Variants in ZNF25 observed in about 807,000 individuals in gnomAD.
ZNF25 encodes the protein zinc finger protein 25.
In ZNF25, 21 loss-of-function variants were observed where a neutral mutation model predicts 30.9. The ratio of observed to expected loss-of-function variants is 0.68; its 90% CI spans 0.48 to 0.98. The LOEUF is 0.98. Ranked by LOEUF, ZNF25 falls within the 50% of genes least tolerant of loss-of-function variation. The probability of loss-of-function intolerance (pLI) is 0.00; values close to 1 mark genes in which losing one functional copy is unlikely to be tolerated. For missense variants in ZNF25, 501 were observed against 529.9 expected, an observed-to-expected ratio of 0.95 and a Z score of 0.54; for synonymous variants, 169 against 181.3, an observed-to-expected ratio of 0.93 and a Z score of 0.55.
chr10:37,976,353 C>T (rs566463885), intron 1 of ZNF25, among the ~76,000 whole-genome samples, 153 bp downstream of exon 1: 127 of 152,318 alleles, frequency 8.3e-4, no homozygotes, highest in Non-Finnish European at 1.5e-3. Context: ...AACGCCATTC[C>T]GGGCAGGGGC....
At chr10:37,958,874 C>G (rs1299353613) in intron 2 of ZNF25, among the ~76,000 whole-genome samples, 3 of 152,104 alleles carry the variant, frequency 2.0e-5, no homozygotes, top group Non-Finnish European at 4.4e-5. Flanking sequence ...ACGGCAAATC[C>G]CCATCTCTAC....
At chr10:37,973,856 C>A (rs2063642846) in intron 1 of ZNF25, among the ~76,000 whole-genome samples, 1 of 151,980 alleles carries the variant, frequency 6.6e-6, no homozygotes, top group South Asian at 2.1e-4. Flanking sequence ...AAGGTGGAGG[C>A]ATTGTACTAC....
rs1416670224 is a variant in ZNF25 at position 37,952,746 on chromosome 10, GT to G, written c.751del (p.Thr251HisfsTer131). 2 of 1,613,026 alleles carry G rather than the reference GT, an allele frequency of 1.2e-6. No individual in the cohort carries two copies. The highest frequency in any genetic ancestry group is 1.7e-6 in the Non-Finnish European group (2 of 1,179,808). ...CTCATAGGGTTTCTCCCCTGTGTGT[GT>G]TTTCTGATGTACCATGAGGTATGCC... ...VKAYLMVHQKTHTGEKPYECK... is the reference protein window; with the variant it reads ...VKAYLMVHQKXHTGEKPYECK... On this transcript the variant is annotated frameshift_variant, in exon 6 of 6. Coordinates refer to ENST00000302609, the MANE Select transcript of ZNF25 (RefSeq NM_145011.4). LOFTEE classifies it high-confidence loss of function.
rs2062241108 is a variant in ZNF25 at position 37,952,761 on chromosome 10, A to AT, written c.736dup (p.Met246AsnfsTer14). ...CCCTGTGTGTGTTTTCTGATGTACCATGAGGTATGCCTTCACATAGAAGAA... is the reference window on the plus strand; with the variant it reads ...CCCTGTGTGTGTTTTCTGATGTACCATTGAGGTATGCCTTCACATAGAAGAA... On this transcript the variant is annotated frameshift_variant, in exon 6 of 6. Transcript: ENST00000302609. LOFTEE classifies it high-confidence loss of function. 6.2e-7 allele frequency: 1 copy of AT among 1,610,094 alleles called. No individual in the cohort carries two copies. Among genetic ancestry groups the AT allele is most frequent in the Admixed American group, 1.7e-5 (1 of 59,674 alleles).
rs1362202442 is a variant in ZNF25, at chr10:37,976,610, G to C, written c.-190C>G. On this transcript the variant is annotated 5_prime_UTR_variant, in exon 1 of 6. Coordinates refer to ENST00000302609, the MANE Select transcript of ZNF25 (RefSeq NM_145011.4). ...ACCGGAGTCCTCTCCCCACCCTAGG[G>C]CGTAAGACCAAAAAAACGCCAATGC... The C allele has an allele frequency of 6.6e-6, 1 of 152,478 alleles. No individual in the cohort carries two copies. Among genetic ancestry groups the C allele is most frequent in the Non-Finnish European group, 1.5e-5 (1 of 68,248 alleles). The allele number at this position is 152,478 out of a possible 1,614,324, so 9.4% of individuals were successfully genotyped here. A position where few individuals can be genotyped will look rare whatever the true frequency, so the allele number is the denominator to read the frequency against.
chr10:37,954,754 C>G (rs958305817), intron 4 of ZNF25, among the ~76,000 whole-genome samples: 1 of 152,144 alleles, frequency 6.6e-6, no homozygotes, highest in African/African-American at 2.4e-5. Context: ...GAAAGATTAT[C>G]AGCAGATGCT....
At chr10:37,965,564 G>A (rs1471964201) in intron 2 of ZNF25, among the ~76,000 whole-genome samples, 1 of 152,080 alleles carries the variant, frequency 6.6e-6, no homozygotes, top group Non-Finnish European at 1.5e-5. Flanking sequence ...TAATGCAGAA[G>A]AAATTAAGGC....
At position 37,957,529 on chromosome 10, in the gene ZNF25, C is replaced by G. The variant is rs752816834; in HGVS notation, c.33G>C (p.Lys11Asn). The change falls in exon 3 of 6, where the codon AAG becomes AAC. Residue 11 changes from lysine (K) to asparagine (N), a missense_variant. Lys to Asn is a moderately conservative substitution (Grantham distance 94). Coordinates refer to ENST00000302609, the MANE Select transcript of ZNF25 (RefSeq NM_145011.4). MNKFQGPVTL[K>N]DVIVEFTKEE... is the part of the protein sequence containing the mutation. The stretch of plus-strand genomic sequence containing the variant: ...CCTTGGTGAATTCCACAATAACATC[C>G]TTTAATGTCACGGGTCCCTGGAATA... The G allele has an allele frequency of 6.2e-7, 1 of 1,613,466 alleles. No homozygotes were observed. Among genetic ancestry groups the G allele is most frequent in the Non-Finnish European group, 8.5e-7 (1 of 1,179,732 alleles).
rs749672167 is a variant in ZNF25, at chr10:37,957,127, A to C, written c.143-12T>G. On this transcript the variant is annotated splice_polypyrimidine_tract_variant and intron_variant, in intron 3 of 5. Coordinates refer to ENST00000302609, the MANE Select transcript of ZNF25 (RefSeq NM_145011.4). ...ATTCACATGGTAACCTATGAATGGA[A>C]AATATCAAGGAAATGATACAAATTG... is the stretch of plus-strand genomic sequence containing the variant. The C allele has an allele frequency of 2.5e-6, 4 of 1,608,164 alleles. No individual in the cohort carries two copies. Among genetic ancestry groups the C allele is most frequent in the Non-Finnish European group, 3.4e-6 (4 of 1,175,218 alleles).
In ZNF25 at chr10:37,952,910, A is replaced by G. The variant is rs1462635400; in HGVS notation, c.588T>C (p.His196=). The G allele has an allele frequency of 4.3e-6, 7 of 1,614,110 alleles. No individual in the cohort carries two copies. The highest frequency in any genetic ancestry group is 5.1e-6 in the Non-Finnish European group (6 of 1,180,010). Reference sequence around the variant, plus strand: ...TACATTCATAGGGTTTCTCTCCTGCATGGGTTCTCAGATGTCTACTGAGAG... The same window carrying G: ...TACATTCATAGGGTTTCTCTCCTGCGTGGGTTCTCAGATGTCTACTGAGAG... ...LSSLSRHLRT[H]AGEKPYECNQ... Residue 196 remains histidine, a synonymous_variant, in exon 6 of 6, where the codon CAT becomes CAC. Transcript: ENST00000302609.
At chr10:37,963,873 G>A (rs1343149633) in intron 2 of ZNF25, among the ~76,000 whole-genome samples, 1 of 152,158 alleles carries the variant, frequency 6.6e-6, no homozygotes, top group East Asian at 1.9e-4. Context: ...TACTTGGGAA[G>A]CTGAGGGAGG....
intron 1 of ZNF25, among the ~76,000 whole-genome samples, chr10:37,975,901 G>C (rs143749038): frequency 6.6e-6 from 1 of 152,312 alleles, no homozygotes; most frequent in Non-Finnish European, 1.5e-5. Flanking sequence ...AGAGGAAAAA[G>C]TGAGGATTTA....
At chr10:37,953,965 T>C (rs1018403489) in intron 4 of ZNF25, among the ~76,000 whole-genome samples, 1 of 152,182 alleles carries the variant, frequency 6.6e-6, no homozygotes, top group Non-Finnish European at 1.5e-5. Flanking sequence ...TGTAGACCCA[T>C]GTACTCTGAC....
chr10:37,963,052 G>T (rs1017468668), intron 2 of ZNF25, among the ~76,000 whole-genome samples: 33 of 20,084 alleles, frequency 1.6e-3, no homozygotes, highest in African/African-American at 3.8e-3. Flanking sequence ...TGGAACTCTA[G>T]AATCTTTTTT....
chr10:37,954,766 G>T (rs977307930), intron 4 of ZNF25, among the ~76,000 whole-genome samples: 1 of 152,164 alleles, frequency 6.6e-6, no homozygotes, highest in Non-Finnish European at 1.5e-5. Context: ...GCAGATGCTT[G>T]GGGTTGGAAT....
intron 2 of ZNF25, among the ~76,000 whole-genome samples, chr10:37,964,461 A>T (rs1161219810): frequency 6.6e-6 from 1 of 152,208 alleles, no homozygotes; most frequent in East Asian, 1.9e-4. Flanking sequence ...ATGAGGTCTC[A>T]GAAGAAAATG....
chr10:37,953,015 G>A lies in ZNF25; in HGVS notation c.483C>T (p.Leu161=), dbSNP rs2062263209. The A allele has an allele frequency of 6.2e-7, 1 of 1,613,944 alleles. No homozygotes were observed. The highest frequency in any genetic ancestry group is 8.5e-7 in the Non-Finnish European group (1 of 1,179,980). The change falls in exon 6 of 6, where the codon CTC becomes CTT. Residue 161 remains leucine (L), a synonymous_variant. Transcript: ENST00000302609. ...CGKSFSKNED[L]IRHQKIHTRD... ...TCGTGTGAATTTTCTGATGTCTTAT[G>A]AGGTCTTCATTTTTAGAGAAAGATT...
chr10:37,967,434 T>G (rs74655162), intron 2 of ZNF25, among the ~76,000 whole-genome samples: 1 of 152,020 alleles, frequency 6.6e-6, no homozygotes, highest in African/African-American at 2.4e-5. Flanking sequence ...TTTTTTTTTT[T>G]TCTGAGACAG....
intron 1 of ZNF25, among the ~76,000 whole-genome samples, chr10:37,974,873 A>C (rs80129392): frequency 0.01 from 1,554 of 152,334 alleles, 71 homozygotes; most frequent in Admixed American, 0.072. Context: ...AGTACCCATC[A>C]ATGCATGAAT....
Sources: allele counts gnomAD v4.1 joint callset (sites outside exome capture counted in the v4.1 genomes callset), GRCh38; gene constraint gnomAD v4.1.1; transcripts MANE v1.5; gene names NCBI Gene and HGNC (gene_info 2026-07-23, HGNC 2026-07-21).